FLRT1: variants seen among roughly 807,000 people sequenced by gnomAD.
The protein encoded by FLRT1 is leucine-rich repeat transmembrane protein FLRT1.
FLRT1 carries 14 observed loss-of-function variants against 30.9 expected under a neutral mutation model. The ratio of observed to expected loss-of-function variants is 0.45; its 90% CI spans 0.30 to 0.71. FLRT1 has a LOEUF of 0.71. Among genes scored for constraint, FLRT1 ranks in the 30% least tolerant of loss-of-function variants. The probability of loss-of-function intolerance (pLI) is 0.08; values close to 1 mark genes in which losing one functional copy is unlikely to be tolerated. For missense variants in FLRT1, 737 were observed against 949.2 expected (o/e 0.78, Z 2.94); for synonymous variants, 368 against 430.4 (o/e 0.85, Z 1.80).
chr11:64,064,032 G>C lies in FLRT1; in HGVS notation c.-1038+27873G>C, dbSNP rs1314961263. On this transcript the variant is annotated intron_variant, in intron 1 of 2. Transcript: ENST00000682287. The surrounding 1 kb of genome is among the most constrained non-coding windows in gnomAD (Gnocchi z 4.5). ...GCAGGGAGAGAGCGCATCTTCACTG[G>C]ATCTTTGTAGGTTAGCCAGCTTTGA... Among the ~76,000 whole-genome samples the C allele has an allele frequency of 6.6e-6, 1 of 152,252 alleles. No homozygotes were observed. The highest frequency in any genetic ancestry group is 1.9e-4 in the East Asian group (1 of 5,170).
chr11:64,074,808 C>G (rs1468347328), intron 1 of FLRT1, among the ~76,000 whole-genome samples: 1 of 152,228 alleles, frequency 6.6e-6, no homozygotes, highest in African/African-American at 2.4e-5. Flanking sequence ...TCCCCAGTTC[C>G]TGGGGCTTGG....
intron 1 of FLRT1, among the ~76,000 whole-genome samples, chr11:64,046,351 A>G (rs1444161052): frequency 6.6e-6 from 1 of 152,204 alleles, no homozygotes; most frequent in Non-Finnish European, 1.5e-5. Flanking sequence ...AGAGGCTTAC[A>G]GAGGTGACAA....
intron 1 of FLRT1, among the ~76,000 whole-genome samples, chr11:64,100,910 C>T (rs902860775): frequency 8.5e-5 from 13 of 152,222 alleles, no homozygotes; most frequent in South Asian, 2.1e-4. Flanking sequence ...CAAAGCTGGA[C>T]GGGCACCAAG....
chr11:64,086,958 G>A (rs1234872519), intron 1 of FLRT1: 1 of 152,156 alleles, frequency 6.6e-6, no homozygotes, highest in African/African-American at 2.4e-5. Flanking sequence ...ATGAAGAGAA[G>A]CCTTTTGACG....
At chr11:64,068,832 G>C (rs949580855) in intron 1 of FLRT1, among the ~76,000 whole-genome samples, 1 of 152,254 alleles carries the variant, frequency 6.6e-6, no homozygotes. Context: ...TCACTGAGCA[G>C]CCCTCCCAGC....
chr11:64,043,133 G>T (rs189181188), intron 1 of FLRT1, among the ~76,000 whole-genome samples: 20 of 152,334 alleles, frequency 1.3e-4, no homozygotes, highest in Admixed American at 2.6e-4. Context: ...TGTGAAACAG[G>T]ATGATGGCAT....
chr11:64,040,508 C>G (rs1943464395), intron 1 of FLRT1, among the ~76,000 whole-genome samples: 1 of 152,178 alleles, frequency 6.6e-6, no homozygotes, highest in Non-Finnish European at 1.5e-5. Flanking sequence ...CTGGGTCTGC[C>G]TCAGGGACCC....
chr11:64,041,353 C>G (rs558143898), intron 1 of FLRT1, among the ~76,000 whole-genome samples: 2 of 152,084 alleles, frequency 1.3e-5, no homozygotes, highest in East Asian at 1.9e-4. Context: ...CCCTCCACCC[C>G]CCGTGACGCC....
At chr11:64,038,650 C>T (rs1288351264) in intron 1 of FLRT1, among the ~76,000 whole-genome samples, 1 of 152,196 alleles carries the variant, frequency 6.6e-6, no homozygotes, top group East Asian at 1.9e-4. Flanking sequence ...CAGACATCCC[C>T]AGAATCAGGG....
intron 1 of FLRT1, among the ~76,000 whole-genome samples, chr11:64,046,056 CCT>C (rs1464808431): frequency 6.6e-6 from 1 of 151,972 alleles, no homozygotes; most frequent in Non-Finnish European, 1.5e-5. Context: ...GTTATTATTC[CCT>C]TTTTACACAT....
intron 1 of FLRT1, among the ~76,000 whole-genome samples, chr11:64,078,977 C>T (rs1277041558): frequency 2.0e-5 from 3 of 151,962 alleles, no homozygotes; most frequent in South Asian, 2.1e-4. Flanking sequence ...CTGTAGACTC[C>T]GACAAGGAAC....
At chr11:64,050,580 C>G (rs1402886155) in intron 1 of FLRT1, among the ~76,000 whole-genome samples, 3 of 152,218 alleles carry the variant, frequency 2.0e-5, no homozygotes, top group Non-Finnish European at 4.4e-5. Context: ...TAAGGACAGG[C>G]CTGGCACACA....
Position 64,067,374 on chromosome 11 carries a change from A to T in FLRT1, c.-1038+31215A>T, listed in dbSNP as rs1341320306. 6.6e-6 allele frequency among the ~76,000 whole-genome samples: 1 copy of T among 152,166 alleles called. No individual in the cohort carries two copies. Among genetic ancestry groups the T allele is most frequent in the East Asian group, 1.9e-4 (1 of 5,184 alleles). On this transcript the variant is annotated intron_variant, in intron 1 of 2. Coordinates refer to ENST00000682287, the MANE Select transcript of FLRT1 (RefSeq NM_013280.5). This position sits in a 1 kb window ranked among gnomAD's most constrained non-coding sequence, Gnocchi z 4.6. ...TTATCGGGCAAAATAGCAGCTGCTGACGTGAAAATGAAATATAGATTCAAT... is the reference window on the plus strand; with the variant it reads ...TTATCGGGCAAAATAGCAGCTGCTGTCGTGAAAATGAAATATAGATTCAAT...
At chr11:64,099,038 G>C (rs991148395) in intron 1 of FLRT1, among the ~76,000 whole-genome samples, 2 of 152,200 alleles carry the variant, frequency 1.3e-5, no homozygotes, top group African/African-American at 4.8e-5. Flanking sequence ...TTTCTACTTC[G>C]GGAGGAAGCC....
At chr11:64,110,710 T>C (rs928839367) in intron 2 of FLRT1, among the ~76,000 whole-genome samples, 2 of 152,004 alleles carry the variant, frequency 1.3e-5, no homozygotes, top group Non-Finnish European at 2.9e-5. Flanking sequence ...AGGTCGTAAC[T>C]CACACCACGC....
intron 1 of FLRT1, among the ~76,000 whole-genome samples, chr11:64,043,579 C>T (rs1281130428): frequency 2.6e-5 from 4 of 152,108 alleles, no homozygotes; most frequent in South Asian, 2.1e-4. Flanking sequence ...GAGGTCAAAT[C>T]GTGGAAAGGG....
At chr11:64,063,728 C>A (rs560490799) in intron 1 of FLRT1, among the ~76,000 whole-genome samples, 2 of 152,202 alleles carry the variant, frequency 1.3e-5, no homozygotes, top group Non-Finnish European at 2.9e-5. Flanking sequence ...CCTACTCCCC[C>A]CTCCATGGGC....
chr11:64,114,203 G>A (rs1176301202), intron 2 of FLRT1, among the ~76,000 whole-genome samples: 9 of 151,448 alleles, frequency 5.9e-5, no homozygotes. Flanking sequence ...TAGATGGATG[G>A]ATGGATGGAT....
chr11:64,097,908 A>G (rs974237964), intron 1 of FLRT1, among the ~76,000 whole-genome samples: 2 of 152,032 alleles, frequency 1.3e-5, no homozygotes, highest in Non-Finnish European at 2.9e-5. Context: ...TGCTCCTGGG[A>G]GCACTCAGCT....
Sources: gnomAD v4.1 joint callset for allele counts (sites outside exome capture counted in the v4.1 genomes callset) on GRCh38, gnomAD v4.1.1 for gene constraint, Gnocchi (gnomAD v3.1) non-coding constraint, MANE v1.5 for transcripts, NCBI Gene and HGNC (gene_info 2026-07-23, HGNC 2026-07-21) for gene names.